Variants in LIX1 observed in about 807,000 individuals in gnomAD.
LIX1 encodes limb and CNS expressed 1.
A neutral mutation model predicts 33.4 loss-of-function variants in LIX1; 24 were observed. That is an observed-to-expected ratio of 0.72 (90% CI 0.52 to 1.01). The LOEUF is 1.01. Ranked by LOEUF, LIX1 falls within the 50% of genes least tolerant of loss-of-function variation. The pLI is 0.00. For synonymous variants in LIX1, 124 were observed against 124.0 expected (o/e 1.00, Z 0.00); for missense variants, 311 against 339.2 (o/e 0.92, Z 0.65).
intron 4 of LIX1, 119 bp downstream of exon 4, chr5:97,105,071 A>C: frequency 1.1e-6 from 1 of 902,526 alleles, no homozygotes; most frequent in Non-Finnish European, 1.8e-6. Flanking sequence ...GATTAAAATG[A>C]CCAAAAACAC....
chr5:97,131,310 C>G (rs1017296404), intron 1 of LIX1, among the ~76,000 whole-genome samples: 23 of 152,272 alleles, frequency 1.5e-4, no homozygotes, highest in African/African-American at 5.1e-4. Flanking sequence ...CTTTCCCTCC[C>G]TTCCTTCTAT....
Position 97,107,477 on chromosome 5 carries a change from G to C in LIX1, c.270C>G (p.Ala90=). The C allele has an allele frequency of 1.2e-6, 2 of 1,613,944 alleles. No homozygotes were observed. Among genetic ancestry groups the C allele is most frequent in the Non-Finnish European group, 1.7e-6 (2 of 1,180,000 alleles). The change falls in exon 3 of 6, where the codon GCC becomes GCG. Residue 90 remains alanine (A), a synonymous_variant. Transcript: ENST00000274382. ...GGGCCACTTTAGCTGCATCCCGCCTGGCCTCGGCTCTACTTAAGCAGCACT... is the reference window on the plus strand; with the variant it reads ...GGGCCACTTTAGCTGCATCCCGCCTCGCCTCGGCTCTACTTAAGCAGCACT... ...NFQCCLSRAE[A]RRDAAKVALI... is the part of the protein sequence containing the mutation.
intron 1 of LIX1, among the ~76,000 whole-genome samples, chr5:97,125,689 A>C (rs1212274873): frequency 6.6e-6 from 1 of 152,214 alleles, no homozygotes; most frequent in Non-Finnish European, 1.5e-5. Context: ...GTTTAAAAGC[A>C]GTATAAGACA....
intron 4 of LIX1, among the ~76,000 whole-genome samples, chr5:97,097,872 C>T (rs1417405535): frequency 1.3e-5 from 2 of 152,084 alleles, no homozygotes; most frequent in African/African-American, 4.8e-5. Flanking sequence ...CAGCCAAATC[C>T]CCAAACAAGC....
intron 4 of LIX1, 117 bp from the exon 5 acceptor site, chr5:97,097,004 CA>C: frequency 1.2e-6 from 1 of 808,710 alleles, no homozygotes. Flanking sequence ...ACAATATTGT[CA>C]CAACACTTTG....
chr5:97,123,852 C>T (rs1198466856), intron 2 of LIX1, among the ~76,000 whole-genome samples: 1 of 152,140 alleles, frequency 6.6e-6, no homozygotes, highest in Non-Finnish European at 1.5e-5. Context: ...TTCCCATTGG[C>T]CAAGACATCA....
chr5:97,121,576 A>C (rs1747786483), intron 2 of LIX1, among the ~76,000 whole-genome samples: 1 of 151,876 alleles, frequency 6.6e-6, no homozygotes, highest in East Asian at 1.9e-4. Flanking sequence ...TTATTGTTCT[A>C]ATTTGGCCAT....
Position 97,092,859 on chromosome 5 carries a change from CT to C in LIX1, c.*1888del, listed in dbSNP as rs1286334835. 1 of 152,202 alleles carries C rather than the reference CT, an allele frequency of 6.6e-6. No individual in the cohort carries two copies. Among genetic ancestry groups the C allele is most frequent in the Admixed American group, 6.6e-5 (1 of 15,266 alleles). The allele number at this position is 152,202 out of a possible 1,614,324, so 9.4% of individuals were successfully genotyped here. A position where few individuals can be genotyped will look rare whatever the true frequency, so the allele number is the denominator to read the frequency against. On this transcript the variant is annotated 3_prime_UTR_variant, in exon 6 of 6. Coordinates refer to ENST00000274382, the MANE Select transcript of LIX1 (RefSeq NM_153234.5). The stretch of plus-strand genomic sequence containing the variant: ...GAAATGACAATGTAAAGAGTAATGG[CT>C]TTATGAAAGAAATTAACTTTAAATA...
At chr5:97,100,440 A>G (rs1408025312) in intron 4 of LIX1, among the ~76,000 whole-genome samples, 1 of 152,088 alleles carries the variant, frequency 6.6e-6, no homozygotes, top group South Asian at 2.1e-4. Context: ...AACTTCTTAC[A>G]TTATATCCCC....
At chr5:97,119,373 T>C (rs1007861744) in intron 2 of LIX1, among the ~76,000 whole-genome samples, 13 of 152,206 alleles carry the variant, frequency 8.5e-5, no homozygotes, top group African/African-American at 2.7e-4. Context: ...AAAAACATGA[T>C]GAAATGTTAT....
intron 3 of LIX1, among the ~76,000 whole-genome samples, chr5:97,105,625 G>T (rs930915298): frequency 9.2e-5 from 14 of 152,178 alleles, no homozygotes; most frequent in Admixed American, 7.9e-4. Flanking sequence ...CACTGACTTT[G>T]CTCTGATTCC....
intron 1 of LIX1, among the ~76,000 whole-genome samples, chr5:97,140,442 A>G (rs2112803056): frequency 6.6e-6 from 1 of 152,256 alleles, no homozygotes; most frequent in East Asian, 1.9e-4. Flanking sequence ...AGTGACTAGG[A>G]GGAGAGGGGA....
At chr5:97,139,894 A>T (rs759443524) in intron 1 of LIX1, among the ~76,000 whole-genome samples, 1 of 152,256 alleles carries the variant, frequency 6.6e-6, no homozygotes. Flanking sequence ...AAATAAAATG[A>T]CAGGTTTAAT....
At chr5:97,111,020 G>A (rs1747360918) in intron 2 of LIX1, among the ~76,000 whole-genome samples, 2 of 152,238 alleles carry the variant, frequency 1.3e-5, no homozygotes, top group East Asian at 1.9e-4. Context: ...TTTCACTGAA[G>A]CTTGAGTGCC....
chr5:97,096,959 A>G (rs1746412915), intron 4 of LIX1, 72 bp from the exon 5 acceptor site: 3 of 1,094,856 alleles, frequency 2.7e-6, no homozygotes, highest in Admixed American at 3.6e-5. Context: ...GCAGGGCATA[A>G]CTCTAATTCC....
At chr5:97,123,668 G>T (rs1747840941) in intron 2 of LIX1, among the ~76,000 whole-genome samples, 1 of 152,184 alleles carries the variant, frequency 6.6e-6, no homozygotes, top group Admixed American at 6.5e-5. Flanking sequence ...CAAAGGTTCT[G>T]ATTTTATATA....
At chr5:97,097,283 G>T (rs1049505387) in intron 4 of LIX1, among the ~76,000 whole-genome samples, 1 of 152,116 alleles carries the variant, frequency 6.6e-6, no homozygotes, top group Non-Finnish European at 1.5e-5. Context: ...ATCTTAAATG[G>T]TCACTTTTAG....
chr5:97,105,351 A>G lies in LIX1; in HGVS notation c.388-66T>C. The stretch of plus-strand genomic sequence containing the variant: ...CCTCCTCTTCTTTGAATGGTCACAA[A>G]TTAATTCTGTGACCACACAGTAAGC... On this transcript the variant is annotated intron_variant, in intron 3 of 5. Coordinates refer to ENST00000274382, the MANE Select transcript of LIX1 (RefSeq NM_153234.5). 3 of 1,354,462 alleles carry G rather than the reference A, an allele frequency of 2.2e-6. No homozygotes were observed. In the Admixed American group the frequency reaches 5.3e-5, roughly 24 times the overall value. 83.9% of individuals were successfully genotyped at this position (1,354,462 alleles called of 1,614,324 possible). A position where few individuals can be genotyped will look rare whatever the true frequency, so the allele number is the denominator to read the frequency against.
chr5:97,114,146 A>C (rs972161483), intron 2 of LIX1, among the ~76,000 whole-genome samples: 6 of 152,162 alleles, frequency 3.9e-5, no homozygotes, highest in Non-Finnish European at 8.8e-5. Context: ...TCTACCACAC[A>C]AGGTTGCTCA....
Sources: allele counts gnomAD v4.1 joint callset (sites outside exome capture counted in the v4.1 genomes callset), GRCh38; gene constraint gnomAD v4.1.1; transcripts MANE v1.5; gene names NCBI Gene and HGNC (gene_info 2026-07-23, HGNC 2026-07-21).